Variants in CRB1 observed in about 807,000 individuals in gnomAD.
The protein encoded by CRB1 is crumbs cell polarity complex component 1, also known as protein crumbs homolog 1.
Under a neutral mutation model 120.0 loss-of-function variants are expected in CRB1, and 83 were observed. That is an observed-to-expected ratio of 0.69 (90% CI 0.58 to 0.83). CRB1 has a LOEUF of 0.83. Among genes scored for constraint, CRB1 ranks in the 40% least tolerant of loss-of-function variants. The pLI is 0.00. For synonymous variants in CRB1, 625 were observed against 612.5 expected, an observed-to-expected ratio of 1.02 and a Z score of -0.30; for missense variants, 1,699 against 1,687.6, an observed-to-expected ratio of 1.01 and a Z score of -0.12.
chr1:197,323,117 C>T (rs1314570343), intron 1 of CRB1, among the ~76,000 whole-genome samples: 1 of 152,050 alleles, frequency 6.6e-6, no homozygotes, highest in Non-Finnish European at 1.5e-5. Context: ...TAATTATTTT[C>T]ATTCTTATAT....
chr1:197,237,291 A>T, the CRB1 span, among the ~76,000 whole-genome samples: 4 of 152,188 alleles, frequency 2.6e-5, no homozygotes, highest in Non-Finnish European at 5.9e-5. Flanking sequence ...TAAACAATAG[A>T]AATTTATTTC....
At chr1:197,381,530 T>C (rs1240546700) in intron 5 of CRB1, among the ~76,000 whole-genome samples, 1 of 152,218 alleles carries the variant, frequency 6.6e-6, no homozygotes, top group Non-Finnish European at 1.5e-5. Flanking sequence ...TTAATCTGCA[T>C]ATGTGTAACT....
intron 5 of CRB1, among the ~76,000 whole-genome samples, chr1:197,381,339 A>C (rs1288385641): frequency 1.3e-5 from 2 of 152,262 alleles, no homozygotes; most frequent in Non-Finnish European, 2.9e-5. Flanking sequence ...AATCATTCAA[A>C]TTGGCATAAT....
chr1:197,421,197 A>C lies in CRB1; in HGVS notation c.1369A>C (p.Ile457Leu), dbSNP rs776217552. Residue 457 changes from isoleucine (I) to leucine (L), a missense_variant, in exon 6 of 12, where the codon ATC becomes CTC. Ile to Leu is a conservative substitution (Grantham distance 5). Coordinates refer to ENST00000367400, the MANE Select transcript of CRB1 (RefSeq NM_201253.3). ...GCAATGTCTAAATAATGGAACATGC[A>C]TCCCTCACTTCCAAGATGGCCAGCA... ...HQQCLNNGTC[I>L]PHFQDGQHGF... 1 of 1,614,218 alleles carries C rather than the reference A, an allele frequency of 6.2e-7. No individual in the cohort carries two copies. Among genetic ancestry groups the C allele is most frequent in the Non-Finnish European group, 8.5e-7 (1 of 1,180,040 alleles).
chr1:197,253,452 T>G, the CRB1 span, among the ~76,000 whole-genome samples: 2 of 152,104 alleles, frequency 1.3e-5, no homozygotes, highest in African/African-American at 2.4e-5. Flanking sequence ...TAATCCACTT[T>G]GTTCATGGTT....
At chr1:197,208,072 AT>A in the CRB1 span, among the ~76,000 whole-genome samples, 143 of 150,874 alleles carry the variant, frequency 9.5e-4, no homozygotes, top group Non-Finnish European at 1.5e-3. Flanking sequence ...AGAAGTTGTG[AT>A]TTTTTTTTAA....
chr1:197,220,871 G>T, the CRB1 span, among the ~76,000 whole-genome samples: 5 of 152,202 alleles, frequency 3.3e-5, no homozygotes, highest in East Asian at 1.9e-4. Context: ...CAATGTGATT[G>T]TAAGTTTCCT....
intron 5 of CRB1, among the ~76,000 whole-genome samples, chr1:197,378,097 G>T (rs1056117820): frequency 1.2e-4 from 18 of 152,154 alleles, no homozygotes; most frequent in African/African-American, 4.1e-4. Context: ...TTTTCTGGTT[G>T]TTTTTTCCAT....
At chr1:197,286,395 A>G (rs1320804010) in intron 1 of CRB1, among the ~76,000 whole-genome samples, 1 of 151,934 alleles carries the variant, frequency 6.6e-6, no homozygotes, top group Non-Finnish European at 1.5e-5. Flanking sequence ...TGATTTGACA[A>G]GTTGGCAAAG....
intron 11 of CRB1, among the ~76,000 whole-genome samples, chr1:197,467,589 T>TA (rs1666805540): frequency 6.6e-6 from 1 of 152,226 alleles, no homozygotes; most frequent in African/African-American, 2.4e-5. Context: ...TATCTTTTTT[T>TA]ATCTCAAACT....
At chr1:197,439,168 G>A (rs1665309921) in intron 10 of CRB1, 1 of 165,506 alleles carries the variant, frequency 6.0e-6, no homozygotes, top group Non-Finnish European at 1.3e-5. Context: ...AATGGCTTCA[G>A]GCAATCTGTG....
intron 1 of CRB1, among the ~76,000 whole-genome samples, chr1:197,292,904 G>T (rs900814168): frequency 1.3e-4 from 20 of 152,038 alleles, no homozygotes; most frequent in African/African-American, 4.3e-4. Context: ...GTATTGATGG[G>T]ACATATCTCA....
chr1:197,363,648 C>T (rs1224953872), intron 5 of CRB1, among the ~76,000 whole-genome samples: 1 of 152,080 alleles, frequency 6.6e-6, no homozygotes, highest in Non-Finnish European at 1.5e-5. Context: ...GGCTTTTGCT[C>T]CCTTTTCCAA....
intron 4 of CRB1, among the ~76,000 whole-genome samples, chr1:197,355,408 C>G (rs1381284171): frequency 6.6e-6 from 1 of 152,232 alleles, no homozygotes; most frequent in Non-Finnish European, 1.5e-5. Context: ...CTCCTCAGCC[C>G]TTGGGCGGTT....
intron 1 of CRB1, among the ~76,000 whole-genome samples, chr1:197,306,730 A>C (rs957426276): frequency 1.3e-5 from 2 of 152,218 alleles, no homozygotes; most frequent in African/African-American, 4.8e-5. Context: ...AAAATCACAC[A>C]GAAAGGCATG....
chr1:197,329,050 C>T, intron 2 of CRB1, 47 bp downstream of exon 2: 1 of 1,509,930 alleles, frequency 6.6e-7, no homozygotes. Context: ...TTAGCTCTTT[C>T]TAAGTGGCAG....
At chr1:197,329,534 G>A (rs987942904) in intron 2 of CRB1, among the ~76,000 whole-genome samples, 1 of 152,140 alleles carries the variant, frequency 6.6e-6, no homozygotes, top group Admixed American at 6.5e-5. Flanking sequence ...GCAAACAATT[G>A]TACCTCATAT....
At chr1:197,398,464 A>G (rs887863885) in intron 5 of CRB1, among the ~76,000 whole-genome samples, 9 of 152,188 alleles carry the variant, frequency 5.9e-5, no homozygotes, top group African/African-American at 9.7e-5. Flanking sequence ...TTGGGAGATG[A>G]TATGGAGAAG....
rs182911337 is a variant in CRB1 at position 197,417,936 on chromosome 1, T to A, written c.1172-3064T>A. 4.2e-3 allele frequency among the ~76,000 whole-genome samples: 642 copies of A among 152,170 alleles called. 4 individuals are homozygous for A. Among genetic ancestry groups the A allele is most frequent in the African/African-American group, 0.013 (560 of 41,524 alleles). ...GATTTTATTCTAAATTGCATTGAAATTTTTGATCATTATATGTGACTGACC... is the reference window on the plus strand; with the variant it reads ...GATTTTATTCTAAATTGCATTGAAAATTTTGATCATTATATGTGACTGACC... On this transcript the variant is annotated intron_variant, in intron 5 of 11. Coordinates refer to ENST00000367400, the MANE Select transcript of CRB1 (RefSeq NM_201253.3).
Sources: allele counts gnomAD v4.1 joint callset (sites outside exome capture counted in the v4.1 genomes callset), GRCh38; gene constraint gnomAD v4.1.1; transcripts MANE v1.5; gene names NCBI Gene and HGNC (gene_info 2026-07-23, HGNC 2026-07-21).